CPED1: variants seen among roughly 807,000 people sequenced by gnomAD.
CPED1 encodes the protein cadherin like and PC-esterase domain containing 1, also known as cadherin-like and PC-esterase domain-containing protein 1.
CPED1 carries 114 observed loss-of-function variants against 128.2 expected under a neutral mutation model. That is an observed-to-expected ratio of 0.89 (90% CI 0.76 to 1.04). The LOEUF is 1.04. Among genes scored for constraint, CPED1 ranks in the 50% least tolerant of loss-of-function variants. The pLI is 0.00. For missense variants in CPED1, 1,211 were observed against 1,207.1 expected (o/e 1.00, Z -0.05); for synonymous variants, 462 against 426.7 (o/e 1.08, Z -1.02).
chr7:121,137,885 C>G (rs969857368), intron 14 of CPED1, among the ~76,000 whole-genome samples: 1 of 152,046 alleles, frequency 6.6e-6, no homozygotes, highest in African/African-American at 2.4e-5. Flanking sequence ...ATGCAACATC[C>G]AGAAAGCAAC....
At chr7:121,125,965 T>C (rs1430187133) in intron 9 of CPED1, 73 bp downstream of exon 9, 7 of 1,098,648 alleles carry the variant, frequency 6.4e-6, no homozygotes, top group Non-Finnish European at 9.7e-6. Flanking sequence ...TTGTTGTTGT[T>C]GTTTTCATTC....
intron 16 of CPED1, among the ~76,000 whole-genome samples, chr7:121,175,365 T>TA (rs1479750732): frequency 6.6e-6 from 1 of 152,142 alleles, no homozygotes; most frequent in Non-Finnish European, 1.5e-5. Context: ...CATAGATGGC[T>TA]ATCTCAAGAG....
intron 5 of CPED1, among the ~76,000 whole-genome samples, chr7:121,070,136 T>C (rs542072592): frequency 5.3e-5 from 8 of 150,704 alleles, no homozygotes; most frequent in African/African-American, 1.9e-4. Flanking sequence ...AAATTATAGA[T>C]ACTATTTACT....
rs58884492 is a variant in CPED1, at chr7:121,044,650, CTTTTTTTT to C, written c.434-2225_434-2218del. On this transcript the variant is annotated intron_variant, in intron 3 of 22. Transcript: ENST00000310396. ...TTGCTGAGAGCAGTGACTTTCTGCTCTTTTTTTTTTTTTTTTTTTGCTATTTACTTTCA... is the reference window on the plus strand; with the variant it reads ...TTGCTGAGAGCAGTGACTTTCTGCTCTTTTTTTTTTTGCTATTTACTTTCA... Among the ~76,000 whole-genome samples, 27 of 106,040 alleles carry C rather than the reference CTTTTTTTT, an allele frequency of 2.5e-4. 1 individual carries two copies. Among genetic ancestry groups the C allele is most frequent in the African/African-American group, 8.2e-4 (24 of 29,326 alleles). 69.6% of individuals were successfully genotyped at this position (106,040 alleles called of 152,430 possible).
At chr7:121,172,772 G>C (rs1796683101) in intron 16 of CPED1, among the ~76,000 whole-genome samples, 1 of 152,070 alleles carries the variant, frequency 6.6e-6, no homozygotes, top group Non-Finnish European at 1.5e-5. Context: ...AAAAAAGTCA[G>C]TTCCCAACTG....
chr7:121,096,617 A>G (rs798934), intron 5 of CPED1, among the ~76,000 whole-genome samples: 49,003 of 152,046 alleles, frequency 0.32, 8,192 homozygotes, highest in Middle Eastern at 0.4. Flanking sequence ...AAATAGATGT[A>G]TAAGAGTATT....
intron 2 of CPED1, among the ~76,000 whole-genome samples, chr7:121,011,735 A>G (rs1015799129): frequency 1.4e-4 from 22 of 152,202 alleles, no homozygotes; most frequent in African/African-American, 5.3e-4. Context: ...TTTAATAAGT[A>G]AACAAATTAT....
chr7:121,295,380 T>C, intron 22 of CPED1, 60 bp from the exon 23 acceptor site: 1 of 1,537,048 alleles, frequency 6.5e-7, no homozygotes, highest in South Asian at 1.2e-5. Context: ...TGAGAGTTAG[T>C]TATGCAGGGA....
chr7:121,079,674 A>G (rs1428598821), intron 5 of CPED1, among the ~76,000 whole-genome samples: 1 of 152,252 alleles, frequency 6.6e-6, no homozygotes, highest in African/African-American at 2.4e-5. Flanking sequence ...GTTTGCTGAC[A>G]TCTCTGAAGT....
At chr7:121,225,647 TC>T (rs1234277026) in intron 16 of CPED1, among the ~76,000 whole-genome samples, 1 of 152,166 alleles carries the variant, frequency 6.6e-6, no homozygotes, top group African/African-American at 2.4e-5. Flanking sequence ...TTTCACATAG[TC>T]CCATATTTCT....
intron 18 of CPED1, among the ~76,000 whole-genome samples, chr7:121,257,509 A>G (rs527474168): frequency 7.3e-6 from 1 of 136,762 alleles, no homozygotes; most frequent in Non-Finnish European, 1.7e-5. Context: ...CCTGAGAAAG[A>G]TATTTTTTTT....
chr7:121,125,020 A>G (rs1195835772), intron 8 of CPED1, among the ~76,000 whole-genome samples: 2 of 152,194 alleles, frequency 1.3e-5, no homozygotes, highest in Non-Finnish European at 2.9e-5. Flanking sequence ...ATATGTGAAT[A>G]GGTACCTAGC....
intron 16 of CPED1, among the ~76,000 whole-genome samples, chr7:121,149,293 T>C (rs966061838): frequency 2.0e-5 from 3 of 152,156 alleles, no homozygotes; most frequent in Admixed American, 2.0e-4. Context: ...CATCCAAGGC[T>C]TGGGAGGTTT....
chr7:121,228,060 C>CT (rs1472494348), intron 16 of CPED1, among the ~76,000 whole-genome samples: 1 of 151,882 alleles, frequency 6.6e-6, no homozygotes, highest in East Asian at 1.9e-4. Flanking sequence ...AGAAGAAAAC[C>CT]TAGGGAAAGG....
chr7:121,284,059 T>C (rs1223603114), intron 22 of CPED1, among the ~76,000 whole-genome samples: 1 of 152,186 alleles, frequency 6.6e-6, no homozygotes, highest in Non-Finnish European at 1.5e-5. Flanking sequence ...GGAAAGAGGT[T>C]TAATTGACAC....
chr7:121,244,381 C>G, intron 18 of CPED1, 43 bp downstream of exon 18: 1 of 1,606,982 alleles, frequency 6.2e-7, no homozygotes, highest in South Asian at 1.1e-5. Context: ...ATGTATGCCA[C>G]CTGAAGTACT....
intron 3 of CPED1, among the ~76,000 whole-genome samples, chr7:121,024,100 G>T (rs1386762455): frequency 6.6e-6 from 1 of 151,982 alleles, no homozygotes; most frequent in Non-Finnish European, 1.5e-5. Flanking sequence ...GTATGCTCAG[G>T]TTTATTGTTA....
chr7:121,171,389 T>C (rs958924317), intron 16 of CPED1, among the ~76,000 whole-genome samples: 3 of 152,218 alleles, frequency 2.0e-5, no homozygotes, highest in African/African-American at 4.8e-5. Context: ...TAAACACTTA[T>C]TGTCCAATTA....
At chr7:121,251,297 G>A (rs543504663) in intron 18 of CPED1, among the ~76,000 whole-genome samples, 1 of 152,240 alleles carries the variant, frequency 6.6e-6, no homozygotes, top group Admixed American at 6.5e-5. Context: ...AATAAATTAG[G>A]TATTGATGGG....
Sources: gnomAD v4.1 joint callset for allele counts (sites outside exome capture counted in the v4.1 genomes callset) on GRCh38, gnomAD v4.1.1 for gene constraint, MANE v1.5 for transcripts, NCBI Gene and HGNC (gene_info 2026-07-23, HGNC 2026-07-21) for gene names.